The following PCDHGA8 variants were observed in gnomAD, a reference collection of about 807,000 sequenced individuals.
The protein encoded by PCDHGA8 is protocadherin gamma-A8.
In PCDHGA8, 45 loss-of-function variants were observed where a neutral mutation model predicts 59.2. The observed-to-expected ratio is 0.76, with a 90% CI of 0.60 to 0.98. PCDHGA8 has a LOEUF of 0.98. Ranked by LOEUF, PCDHGA8 falls within the 50% of genes least tolerant of loss-of-function variation. The pLI, the probability that PCDHGA8 is intolerant of heterozygous loss-of-function variation, is 0.00. For synonymous variants in PCDHGA8, 531 were observed against 519.0 expected (o/e 1.02, Z -0.32); for missense variants, 1,257 against 1,196.2 (o/e 1.05, Z -0.75).
At position 141,431,245 on chromosome 5, in the gene PCDHGA8, C is replaced by A. The variant is rs761126985; in HGVS notation, c.2424+36008C>A. The A allele has an allele frequency of 5.0e-6, 8 of 1,614,016 alleles. No individual in the cohort carries two copies. In the Admixed American group the frequency reaches 1.2e-4, roughly 24 times the overall value. On this transcript the variant is annotated intron_variant, in intron 1 of 3. Coordinates refer to ENST00000398604, the MANE Select transcript of PCDHGA8 (RefSeq NM_032088.2). This position sits in a 1 kb window ranked among gnomAD's most constrained non-coding sequence, Gnocchi z 4.8. ...TACCCCACGCCTGGGATCCGGATAT[C>A]GGGAAGAACTCTCTGCAGAGCTACG... is the stretch of plus-strand genomic sequence containing the variant.
chr5:141,395,546 G>GTT (rs2093266838), intron 1 of PCDHGA8: 4 of 32,300 alleles, frequency 1.2e-4, no homozygotes, highest in African/African-American at 9.9e-4. Context: ...TATTGTTTGT[G>GTT]TGTGTGTGTG....
At position 141,395,102 on chromosome 5, in the gene PCDHGA8, G is replaced by C; in HGVS notation, c.2289G>C (p.Ser763=). 6.2e-7 allele frequency: 1 copy of C among 1,614,172 alleles called. No homozygotes were observed. Among genetic ancestry groups the C allele is most frequent in the Non-Finnish European group, 8.5e-7 (1 of 1,180,038 alleles). ...AGGAAGTCTCCCTCACCGCCGACTCGCGGAAGAGTCACCTGATCTTTCCCC... is the reference window on the plus strand; with the variant it reads ...AGGAAGTCTCCCTCACCGCCGACTCCCGGAAGAGTCACCTGATCTTTCCCC... The part of the protein sequence containing the change: ...YSQEVSLTAD[S]RKSHLIFPQP... Residue 763 remains serine, a synonymous_variant, in exon 1 of 4, where the codon TCG becomes TCC. Coordinates refer to ENST00000398604, the MANE Select transcript of PCDHGA8 (RefSeq NM_032088.2).
chr5:141,491,109 A>G lies in PCDHGA8; in HGVS notation c.2425-3698A>G, dbSNP rs1039906987. 4.3e-6 allele frequency: 7 copies of G among 1,614,074 alleles called. No individual in the cohort carries two copies. The African/African-American group carries it at 9.3e-5, about 22-fold the overall frequency. ...CCCCAGGACTGTTCCTCGTGTCTAC[A>G]CACACTGGTGAGGTGCGCACAGCCC... On this transcript the variant is annotated intron_variant, in intron 1 of 3. Coordinates refer to ENST00000398604, the MANE Select transcript of PCDHGA8 (RefSeq NM_032088.2). The surrounding 1 kb of genome is among the most constrained non-coding windows in gnomAD (Gnocchi z 6.9).
chr5:141,476,476 C>A lies in PCDHGA8; in HGVS notation c.2425-18331C>A. On this transcript the variant is annotated intron_variant, in intron 1 of 3. Coordinates refer to ENST00000398604, the MANE Select transcript of PCDHGA8 (RefSeq NM_032088.2). The surrounding 1 kb of genome is among the most constrained non-coding windows in gnomAD (Gnocchi z 7.6). ...TGGAGAACCCGCTGGAGCTGTTCAG[C>A]GTGGAAGTGGTGATCCAGGACATCA... 6.2e-7 allele frequency: 1 copy of A among 1,613,986 alleles called. No individual in the cohort carries two copies. The highest frequency in any genetic ancestry group is 8.5e-7 in the Non-Finnish European group (1 of 1,179,992).
Position 141,494,802 on chromosome 5 carries a change from C to T in PCDHGA8, c.2425-5C>T. 5 of 1,614,120 alleles carry T rather than the reference C, an allele frequency of 3.1e-6. No individual in the cohort carries two copies. The highest frequency in any genetic ancestry group is 4.2e-6 in the Non-Finnish European group (5 of 1,180,016). ...TCAGCCCCTTTCCCTCTGTTTTCTC[C>T]ACAGCAAGCCCCGCCCAACACGGAC... is the stretch of plus-strand genomic sequence containing the variant. On this transcript the variant is annotated splice_polypyrimidine_tract_variant and splice_region_variant and intron_variant, in intron 1 of 3. Transcript: ENST00000398604.
intron 1 of PCDHGA8, chr5:141,400,296 C>T (rs2093998279): frequency 6.2e-7 from 1 of 1,614,076 alleles, no homozygotes. Context: ...GGAGCTGCTT[C>T]CAACCTGGTC....
At chr5:141,509,720 A>G (rs916316577) in intron 3 of PCDHGA8, among the ~76,000 whole-genome samples, 6 of 151,974 alleles carry the variant, frequency 3.9e-5, no homozygotes, top group Admixed American at 3.3e-4. Context: ...GTCTGATGTC[A>G]CCTAGCTGTG....
Position 141,485,465 on chromosome 5 carries a change from C to A in PCDHGA8, c.2425-9342C>A, listed in dbSNP as rs2099614061. 6.2e-7 allele frequency: 1 copy of A among 1,614,044 alleles called. No homozygotes were observed. Among genetic ancestry groups the A allele is most frequent in the African/African-American group, 1.3e-5 (1 of 74,918 alleles). ...AATCGACCGAGAGGCACTGTGTGGG[C>A]TCAGTGCCAGCTGCATCGTGCCCCT... On this transcript the variant is annotated intron_variant, in intron 1 of 3. Transcript: ENST00000398604. This position sits in a 1 kb window ranked among gnomAD's most constrained non-coding sequence, Gnocchi z 5.7.
chr5:141,417,936 A>G (rs1266177574), intron 1 of PCDHGA8: 3 of 1,612,080 alleles, frequency 1.9e-6, no homozygotes, highest in Non-Finnish European at 1.7e-6. Flanking sequence ...CCTTTGTTCT[A>G]CCCCACGCTG....
In PCDHGA8 at chr5:141,486,157, A is replaced by C. The variant is rs1562110580; in HGVS notation, c.2425-8650A>C. On this transcript the variant is annotated intron_variant, in intron 1 of 3. Transcript: ENST00000398604. This position sits in a 1 kb window ranked among gnomAD's most constrained non-coding sequence, Gnocchi z 5.0. ...TGCGGGCTCGCGATGGGGGTTCTCC[A>C]GCCATGGAGCAACATTGCAGCCTTC... 10 of 1,614,208 alleles carry C rather than the reference A, an allele frequency of 6.2e-6. No individual in the cohort carries two copies. The highest frequency in any genetic ancestry group is 8.5e-6 in the Non-Finnish European group (10 of 1,180,028).
chr5:141,420,050 C>A, intron 1 of PCDHGA8: 1 of 1,614,076 alleles, frequency 6.2e-7, no homozygotes. Context: ...TGAGTCAGTT[C>A]TCTGCTCCAA....
intron 1 of PCDHGA8, among the ~76,000 whole-genome samples, chr5:141,464,022 TG>T (rs948245337): frequency 1.3e-5 from 2 of 151,716 alleles, no homozygotes; most frequent in African/African-American, 4.8e-5. Context: ...TCCCACACTT[TG>T]GGAGGCCAAG....
intron 1 of PCDHGA8, chr5:141,395,486 A>G: frequency 2.0e-6 from 1 of 510,062 alleles, no homozygotes; most frequent in Non-Finnish European, 3.4e-6. Flanking sequence ...TATTCCTATT[A>G]TCACTCATTC....
At chr5:141,407,175 C>T (rs752092856) in intron 1 of PCDHGA8, among the ~76,000 whole-genome samples, 39 of 152,166 alleles carry the variant, frequency 2.6e-4, no homozygotes, top group Non-Finnish European at 5.4e-4. Flanking sequence ...TTATGACATA[C>T]AGACATTTTA....
At chr5:141,398,983 C>T (rs2093734558) in intron 1 of PCDHGA8, 1 of 1,613,944 alleles carries the variant, frequency 6.2e-7, no homozygotes. Context: ...CAGAACCGGG[C>T]AAATCTTTAG....
chr5:141,415,740 G>GTTTTTTTTTTTTTTTTTTTGTTT, intron 1 of PCDHGA8: 1 of 617,992 alleles, frequency 1.6e-6, no homozygotes, highest in Non-Finnish European at 2.1e-6. Flanking sequence ...GTTTATTAAG[G>GTTTTTTTTTTTTTTTTTTTGTTT]TTTTTTTTTT....
At chr5:141,474,087 A>C (rs1483673747) in intron 1 of PCDHGA8, among the ~76,000 whole-genome samples, 4 of 152,198 alleles carry the variant, frequency 2.6e-5, no homozygotes, top group South Asian at 2.1e-4. Context: ...AAAACCAAAA[A>C]ACAAACAACA....
chr5:141,504,135 C>T (rs758903340), intron 2 of PCDHGA8, among the ~76,000 whole-genome samples: 1 of 152,188 alleles, frequency 6.6e-6, no homozygotes, highest in Non-Finnish European at 1.5e-5. Context: ...CCCGCCAACA[C>T]TCCCCTGCAA....
rs376978832 is a variant in PCDHGA8, at chr5:141,395,250, C to T, written c.2424+13C>T. On this transcript the variant is annotated intron_variant, in intron 1 of 3. Transcript: ENST00000398604. ...TGATCATGGTCAGGTGAGTTTAGTT[C>T]TTTGCTTGCTTTTAATTTCCAGATG... 1.1e-5 allele frequency: 17 copies of T among 1,558,200 alleles called. No individual in the cohort carries two copies. In the African/African-American group the frequency reaches 2.3e-4, roughly 21 times the overall value.
Sources: allele counts gnomAD v4.1 joint callset (sites outside exome capture counted in the v4.1 genomes callset), GRCh38; gene constraint gnomAD v4.1.1; non-coding constraint Gnocchi (gnomAD v3.1); transcripts MANE v1.5; gene names NCBI Gene and HGNC (gene_info 2026-07-23, HGNC 2026-07-21).